Variants in UNC13C observed in about 807,000 individuals in gnomAD.
The protein encoded by UNC13C is unc-13 homolog C, also known as protein unc-13 homolog C.
UNC13C carries 174 observed loss-of-function variants against 245.4 expected under a neutral mutation model. The ratio of observed to expected loss-of-function variants is 0.71; its 90% CI spans 0.63 to 0.80. The LOEUF is 0.80. Ranked by LOEUF, UNC13C falls within the 30% of genes least tolerant of loss-of-function variation. UNC13C has a pLI of 0.00. For missense variants in UNC13C, 2,829 were observed against 2,602.9 expected, an observed-to-expected ratio of 1.09 and a Z score of -1.89; for synonymous variants, 992 against 895.1, an observed-to-expected ratio of 1.11 and a Z score of -1.93.
the UNC13C span, among the ~76,000 whole-genome samples, chr15:53,892,114 T>G: frequency 5.1e-3 from 780 of 152,310 alleles, 3 homozygotes; most frequent in African/African-American, 0.018. Context: ...GTAAAGGATT[T>G]TATTTCTCCT....
intron 19 of UNC13C, 66 bp from the exon 20 acceptor site, chr15:54,494,542 G>A (rs1322016169): frequency 2.2e-6 from 3 of 1,366,012 alleles, no homozygotes; most frequent in Admixed American, 6.2e-5. Flanking sequence ...AATAAAAATA[G>A]ATTGGAACAT....
intron 4 of UNC13C, among the ~76,000 whole-genome samples, chr15:54,155,735 T>C (rs188489501): frequency 2.0e-5 from 3 of 152,306 alleles, no homozygotes; most frequent in Admixed American, 2.0e-4. Context: ...TCTGTACATT[T>C]AAGAGAAGCT....
the UNC13C span, among the ~76,000 whole-genome samples, chr15:53,916,159 G>C: frequency 6.6e-6 from 1 of 152,166 alleles, no homozygotes; most frequent in Non-Finnish European, 1.5e-5. Context: ...TAATAGAAGA[G>C]CTTGGATCCC....
chr15:53,993,813 G>C (rs942235950), intron 1 of UNC13C, among the ~76,000 whole-genome samples: 1 of 152,016 alleles, frequency 6.6e-6, no homozygotes, highest in African/African-American at 2.4e-5. Context: ...CTGGGTCTTT[G>C]CTTTATAGCT....
At chr15:53,882,790 C>T in the UNC13C span, among the ~76,000 whole-genome samples, 1 of 152,054 alleles carries the variant, frequency 6.6e-6, no homozygotes, top group African/African-American at 2.4e-5. Flanking sequence ...AATAGTTAAA[C>T]AGCCTTTGGA....
At chr15:53,977,689 G>A (rs146218520), upstream of UNC13C, among the ~76,000 whole-genome samples, 1,552 of 152,292 alleles carry the variant, frequency 0.01, 30 homozygotes, top group African/African-American at 0.036. Context: ...AGGAGGATTA[G>A]AGGATTGAAA....
At chr15:54,224,585 G>T (rs2035321471) in intron 4 of UNC13C, among the ~76,000 whole-genome samples, 2 of 152,058 alleles carry the variant, frequency 1.3e-5, no homozygotes, top group Non-Finnish European at 2.9e-5. Flanking sequence ...AGGGATATTG[G>T]CCTGTGGCTT....
At chr15:54,044,199 T>C (rs550199460) in intron 2 of UNC13C, among the ~76,000 whole-genome samples, 1 of 152,342 alleles carries the variant, frequency 6.6e-6, no homozygotes, top group Admixed American at 6.5e-5. Context: ...ATCTGATTTC[T>C]TTTACATATT....
the UNC13C span, among the ~76,000 whole-genome samples, chr15:53,931,404 A>G: frequency 2.0e-5 from 3 of 152,164 alleles, no homozygotes; most frequent in South Asian, 4.1e-4. Context: ...CCTGACCTCA[A>G]GTGATCCACT....
At chr15:54,020,470 A>G (rs1017525859) in intron 2 of UNC13C, among the ~76,000 whole-genome samples, 1 of 123,652 alleles carries the variant, frequency 8.1e-6, no homozygotes, top group Non-Finnish European at 1.7e-5. Context: ...TTTTAATTAG[A>G]GATGGAGTTT....
At chr15:54,315,191 A>G (rs1219389338) in intron 13 of UNC13C, among the ~76,000 whole-genome samples, 1 of 151,788 alleles carries the variant, frequency 6.6e-6, no homozygotes, top group African/African-American at 2.4e-5. Flanking sequence ...CTCCTTGGCT[A>G]GATATTGTAC....
intron 19 of UNC13C, among the ~76,000 whole-genome samples, chr15:54,462,106 G>C (rs897001983): frequency 5.3e-5 from 8 of 152,216 alleles, no homozygotes; most frequent in Admixed American, 1.3e-4. Flanking sequence ...GTTTACCCAA[G>C]TTAGGCCTTT....
intron 2 of UNC13C, among the ~76,000 whole-genome samples, chr15:54,039,918 G>A (rs1218694849): frequency 6.7e-6 from 1 of 150,092 alleles, no homozygotes; most frequent in Non-Finnish European, 1.5e-5. Flanking sequence ...ACCCCCACCA[G>A]TAGCCAGAGT....
the UNC13C span, among the ~76,000 whole-genome samples, chr15:53,964,824 C>G: frequency 6.6e-6 from 1 of 152,236 alleles, no homozygotes; most frequent in South Asian, 2.1e-4. Flanking sequence ...TCTTTTGGCA[C>G]TTTGGAGGAT....
chr15:54,600,145 G>C (rs1287683199), intron 30 of UNC13C, among the ~76,000 whole-genome samples: 3 of 152,028 alleles, frequency 2.0e-5, no homozygotes, highest in Non-Finnish European at 2.9e-5. Flanking sequence ...TAATTTGTCA[G>C]GGCATAATAA....
At chr15:54,528,742 G>A (rs1364064715) in intron 25 of UNC13C, among the ~76,000 whole-genome samples, 1 of 152,068 alleles carries the variant, frequency 6.6e-6, no homozygotes, top group Non-Finnish European at 1.5e-5. Flanking sequence ...AAAGAAAGTA[G>A]TCATTTCAAA....
chr15:54,523,622 T>C (rs1895322179), intron 24 of UNC13C, among the ~76,000 whole-genome samples: 1 of 152,226 alleles, frequency 6.6e-6, no homozygotes, highest in Admixed American at 6.5e-5. Context: ...AAGTGACCTA[T>C]GTAGCCATTT....
intron 30 of UNC13C, among the ~76,000 whole-genome samples, chr15:54,612,459 T>TTGAC (rs1900164761): frequency 6.6e-6 from 1 of 152,046 alleles, no homozygotes; most frequent in Admixed American, 6.6e-5. Flanking sequence ...ATTTTCCCAG[T>TTGAC]TGACAGATGG....
intron 8 of UNC13C, among the ~76,000 whole-genome samples, chr15:54,256,037 T>G (rs1039371163): frequency 1.3e-5 from 2 of 152,224 alleles, no homozygotes; most frequent in African/African-American, 4.8e-5. Context: ...TATCAATGCA[T>G]GTTTTTTCAT....
Sources: allele counts gnomAD v4.1 joint callset (sites outside exome capture counted in the v4.1 genomes callset), GRCh38; gene constraint gnomAD v4.1.1; transcripts MANE v1.5; gene names NCBI Gene and HGNC (gene_info 2026-07-23, HGNC 2026-07-21).